GPC5: variants seen among roughly 807,000 people sequenced by gnomAD.
GPC5 encodes glypican 5, also known as glypican-5.
Under a neutral mutation model 53.9 loss-of-function variants are expected in GPC5, and 47 were observed. The ratio of observed to expected loss-of-function variants is 0.87; its 90% CI spans 0.69 to 1.11. The LOEUF is 1.11. Ranked by LOEUF, GPC5 falls within the 50% of genes most tolerant of loss-of-function variation. The pLI, the probability that GPC5 is intolerant of heterozygous loss-of-function variation, is 0.00. For synonymous variants in GPC5, 286 were observed against 263.3 expected (o/e 1.09, Z -0.84); for missense variants, 748 against 713.1 (o/e 1.05, Z -0.56).
intron 5 of GPC5, among the ~76,000 whole-genome samples, chr13:91,805,351 T>A (rs1181013771): frequency 1.3e-5 from 2 of 152,216 alleles, no homozygotes; most frequent in African/African-American, 4.8e-5. Flanking sequence ...CCTTGATACT[T>A]CTTTTATGCA....
intron 3 of GPC5, among the ~76,000 whole-genome samples, chr13:91,712,740 T>C (rs1472095666): frequency 6.6e-6 from 1 of 151,822 alleles, no homozygotes; most frequent in African/African-American, 2.4e-5. Context: ...AACAAAGAGG[T>C]ATTAGTAGTA....
chr13:91,600,480 TA>T (rs34285759), intron 2 of GPC5, among the ~76,000 whole-genome samples: 23 of 148,052 alleles, frequency 1.6e-4, no homozygotes, highest in East Asian at 3.9e-4. Flanking sequence ...AGATTCTATC[TA>T]AAAAAAAAAT....
intron 7 of GPC5, among the ~76,000 whole-genome samples, chr13:92,726,373 A>AT (rs1362809795): frequency 2.0e-5 from 3 of 151,370 alleles, no homozygotes; most frequent in South Asian, 2.1e-4. Context: ...ATTCTGTACT[A>AT]TTTTTTTGTG....
chr13:92,378,409 C>T (rs1330658910), intron 7 of GPC5, among the ~76,000 whole-genome samples: 1 of 152,178 alleles, frequency 6.6e-6, no homozygotes, highest in Non-Finnish European at 1.5e-5. Flanking sequence ...ATATCCTTAG[C>T]TTCTCTTAAC....
intron 7 of GPC5, among the ~76,000 whole-genome samples, chr13:92,827,661 C>G (rs1023274853): frequency 6.6e-6 from 1 of 152,114 alleles, no homozygotes; most frequent in African/African-American, 2.4e-5. Flanking sequence ...GCAGGCACAG[C>G]TTGCATCATC....
chr13:92,442,651 A>G (rs1877622018), intron 7 of GPC5, among the ~76,000 whole-genome samples: 1 of 152,186 alleles, frequency 6.6e-6, no homozygotes, highest in African/African-American at 2.4e-5. Context: ...AAGTCTTTTA[A>G]AGTGAATATT....
chr13:91,937,541 T>C (rs906655447), intron 6 of GPC5, among the ~76,000 whole-genome samples: 28 of 152,064 alleles, frequency 1.8e-4, no homozygotes, highest in African/African-American at 6.8e-4. Flanking sequence ...TCTATTGACT[T>C]ATATGGCTAC....
intron 7 of GPC5, among the ~76,000 whole-genome samples, chr13:92,417,512 C>G (rs1876365013): frequency 6.6e-6 from 1 of 152,112 alleles, no homozygotes; most frequent in African/African-American, 2.4e-5. Context: ...AAAATTAAAC[C>G]ATATGTTCAT....
chr13:91,582,394 C>A (rs1262483623), intron 2 of GPC5, among the ~76,000 whole-genome samples: 1 of 152,058 alleles, frequency 6.6e-6, no homozygotes, highest in Non-Finnish European at 1.5e-5. Flanking sequence ...CCATATAAAA[C>A]AGCTGGTAGT....
At chr13:91,913,176 G>A (rs1472636650) in intron 6 of GPC5, among the ~76,000 whole-genome samples, 1 of 152,052 alleles carries the variant, frequency 6.6e-6, no homozygotes, top group African/African-American at 2.4e-5. Context: ...CGAGGTGGGC[G>A]GATCACGAGG....
chr13:92,590,496 T>C (rs1883679213), intron 7 of GPC5, among the ~76,000 whole-genome samples: 1 of 152,236 alleles, frequency 6.6e-6, no homozygotes, highest in African/African-American at 2.4e-5. Context: ...ATTACTCTCT[T>C]CCTTTGTTTC....
chr13:92,804,977 T>G (rs769157405), intron 7 of GPC5, among the ~76,000 whole-genome samples: 4 of 151,934 alleles, frequency 2.6e-5, no homozygotes, highest in African/African-American at 4.8e-5. Flanking sequence ...ATCATGAGAT[T>G]ACAGCAATTT....
chr13:92,851,066 G>T (rs1878783051), intron 7 of GPC5, among the ~76,000 whole-genome samples: 1 of 152,144 alleles, frequency 6.6e-6, no homozygotes, highest in South Asian at 2.1e-4. Context: ...GGCATGTCTT[G>T]CATGTCTTAC....
Position 92,415,773 on chromosome 13 carries a change from G to A in GPC5, c.1561+270784G>A, listed in dbSNP as rs372784146. Reference sequence around the variant, plus strand: ...CTGGATGAGGAGAACCTATCTAGGTGCATGGCCTGAGGGGCTTTGATCATA... The same window carrying A: ...CTGGATGAGGAGAACCTATCTAGGTACATGGCCTGAGGGGCTTTGATCATA... On this transcript the variant is annotated intron_variant, in intron 7 of 7. Coordinates refer to ENST00000377067, the MANE Select transcript of GPC5 (RefSeq NM_004466.6). Among the ~76,000 whole-genome samples the A allele has an allele frequency of 5.9e-5, 9 of 152,246 alleles. No individual in the cohort carries two copies. The East Asian group carries it at 1.4e-3, about 23-fold the overall frequency.
At chr13:92,047,517 C>T (rs988620962) in intron 6 of GPC5, among the ~76,000 whole-genome samples, 1 of 150,922 alleles carries the variant, frequency 6.6e-6, no homozygotes. Context: ...AATGTGATTA[C>T]TTTTATCATT....
chr13:92,476,644 C>G (rs1189143957), intron 7 of GPC5, among the ~76,000 whole-genome samples: 10 of 148,766 alleles, frequency 6.7e-5, no homozygotes, highest in Admixed American at 2.7e-4. Context: ...GGAACCAACC[C>G]AAATGTCCAA....
intron 7 of GPC5, among the ~76,000 whole-genome samples, chr13:92,554,903 T>G (rs1277563458): frequency 1.3e-5 from 2 of 150,780 alleles, no homozygotes; most frequent in Non-Finnish European, 3.0e-5. Flanking sequence ...TTGGGTATTT[T>G]TTTTACCACT....
intron 7 of GPC5, among the ~76,000 whole-genome samples, chr13:92,473,321 T>C (rs1158747382): frequency 6.6e-6 from 1 of 152,122 alleles, no homozygotes; most frequent in East Asian, 1.9e-4. Context: ...CAATGTTTTA[T>C]TTATACTCGA....
intron 5 of GPC5, among the ~76,000 whole-genome samples, chr13:91,756,956 A>G (rs1245780337): frequency 6.6e-6 from 1 of 152,018 alleles, no homozygotes; most frequent in African/African-American, 2.4e-5. Context: ...ACTTTTATAT[A>G]TATATATATA....
Sources: gnomAD v4.1 joint callset for allele counts (sites outside exome capture counted in the v4.1 genomes callset) on GRCh38, gnomAD v4.1.1 for gene constraint, MANE v1.5 for transcripts, NCBI Gene and HGNC (gene_info 2026-07-23, HGNC 2026-07-21) for gene names.